Variants in FAM156A observed in about 807,000 individuals in gnomAD.
FAM156A encodes the protein family with sequence similarity 156 member A, also known as protein FAM156A/FAM156B.
At chrX:52,991,844 G>A (rs148785885) in intron 1 of FAM156A, among the ~76,000 whole-genome samples, 181 of 106,917 alleles carry the variant, frequency 1.7e-3, no homozygotes, top group African/African-American at 4.1e-3. Flanking sequence ...CCCTGTGCCC[G>A]GCACTGCTCT....
chrX:52,976,337 G>A (rs1206015744), intron 1 of FAM156A, among the ~76,000 whole-genome samples: 1 of 110,493 alleles, frequency 9.1e-6, no homozygotes, highest in Non-Finnish European at 1.9e-5. Context: ...CCAGCTACTC[G>A]GGAGGCTGAG....
intron 1 of FAM156A, among the ~76,000 whole-genome samples, chrX:52,980,567 G>A (rs1929794339): frequency 1.8e-5 from 2 of 111,667 alleles, no homozygotes; most frequent in Admixed American, 9.6e-5. Context: ...AGAGGGCAGG[G>A]AACACTTATG....
intron 1 of FAM156A, among the ~76,000 whole-genome samples, chrX:52,980,260 G>T (rs1556793124): frequency 9.0e-6 from 1 of 111,702 alleles, no homozygotes. Context: ...GTATCAATTT[G>T]CTTTGTAGTG....
chrX:52,983,519 C>T (rs1930050453), intron 1 of FAM156A, among the ~76,000 whole-genome samples: 1 of 112,298 alleles, frequency 8.9e-6, no homozygotes, highest in African/African-American at 3.2e-5. Flanking sequence ...GAAGAAAAGG[C>T]TGGAGAAATT....
intron 1 of FAM156A, among the ~76,000 whole-genome samples, chrX:52,975,835 G>A (rs1556792068): frequency 8.9e-6 from 1 of 112,027 alleles, no homozygotes; most frequent in Non-Finnish European, 1.9e-5. Context: ...GAGAGGAAAG[G>A]TCTAAGGAGA....
chrX:52,974,674 C>T (rs1264476857), intron 1 of FAM156A, among the ~76,000 whole-genome samples: 1 of 110,785 alleles, frequency 9.0e-6, no homozygotes, highest in Admixed American at 9.6e-5. Context: ...CTTCTTTTTA[C>T]AGGCAAGGGA....
In FAM156A at chrX:52,987,775, TTA is replaced by T. The variant is rs1164667174; in HGVS notation, c.-434+7529_-434+7530del. 3.6e-5 allele frequency among the ~76,000 whole-genome samples: 4 copies of T among 111,928 alleles called. No individual in the cohort carries two copies. The Admixed American group carries it at 3.8e-4, about 11-fold the overall frequency. Reference sequence around the variant, plus strand: ...ATATTTATCCTAGAAGAAGGAAAATTTATGTTTACACAAAAATCCATGCACAA... The same window carrying T: ...ATATTTATCCTAGAAGAAGGAAAATTTGTTTACACAAAAATCCATGCACAA... On this transcript the variant is annotated intron_variant, in intron 1 of 4. Transcript: ENST00000610625.
chrX:52,990,797 G>GAAAGAAAAGAAAGAAAAGAAAGA (rs1475069769), intron 1 of FAM156A, among the ~76,000 whole-genome samples: 26 of 69,590 alleles, frequency 3.7e-4, no homozygotes, highest in African/African-American at 1.3e-3. Flanking sequence ...GAAAAGAAAA[G>GAAAGAAAAGAAAGAAAAGAAAGA]AAAGAAAAGA....
intron 1 of FAM156A, among the ~76,000 whole-genome samples, chrX:52,975,371 C>T (rs1556791909): frequency 1.8e-5 from 2 of 111,846 alleles, no homozygotes; most frequent in Non-Finnish European, 3.8e-5. Flanking sequence ...CAGTCATTCC[C>T]GCACACACCT....
chrX:52,985,929 TAATAATAAAATAAACC>T (rs1357476233), intron 1 of FAM156A, among the ~76,000 whole-genome samples: 94 of 109,887 alleles, frequency 8.6e-4, no homozygotes, highest in African/African-American at 2.8e-3. Context: ...AAAATAATAA[TAATAATAAAATAAACC>T]AATAATAAAA....
intron 1 of FAM156A, among the ~76,000 whole-genome samples, chrX:52,985,436 T>C (rs782118264): frequency 1.8e-5 from 2 of 111,508 alleles, no homozygotes; most frequent in South Asian, 7.5e-4. Context: ...CATTACATTA[T>C]CATATTGGAA....
intron 1 of FAM156A, among the ~76,000 whole-genome samples, chrX:52,990,755 G>C (rs1930648558): frequency 9.9e-6 from 1 of 100,925 alleles, no homozygotes; most frequent in African/African-American, 3.7e-5. Flanking sequence ...CTGCACTCCA[G>C]AGTGGGCGAT....
At chrX:52,981,865 C>G (rs1472291946) in intron 1 of FAM156A, among the ~76,000 whole-genome samples, 3 of 109,591 alleles carry the variant, frequency 2.7e-5, no homozygotes, top group Admixed American at 2.0e-4. Context: ...TTTCATGAAC[C>G]ATTTGAAAAC....
At chrX:52,979,038 A>G in intron 1 of FAM156A, among the ~76,000 whole-genome samples, 1 of 111,833 alleles carries the variant, frequency 8.9e-6, no homozygotes, top group East Asian at 2.8e-4. Context: ...ACCTTATTAA[A>G]TCCCTTTGGT....
At chrX:52,988,488 A>G (rs782396738) in intron 1 of FAM156A, among the ~76,000 whole-genome samples, 1 of 111,119 alleles carries the variant, frequency 9.0e-6, no homozygotes, top group Non-Finnish European at 1.9e-5. Context: ...GGTGATGCAT[A>G]TGTTCTGGAT....
At chrX:52,991,951 A>G (rs1372020103) in intron 1 of FAM156A, among the ~76,000 whole-genome samples, 1 of 105,373 alleles carries the variant, frequency 9.5e-6, no homozygotes, top group Non-Finnish European at 2.0e-5. Flanking sequence ...AGGCAGAGAG[A>G]GCTGAAGCCA....
At chrX:52,991,857 G>A (rs1197024667) in intron 1 of FAM156A, among the ~76,000 whole-genome samples, 2 of 109,962 alleles carry the variant, frequency 1.8e-5, no homozygotes. Flanking sequence ...ACTGCTCTCG[G>A]TGACTGACCA....
intron 1 of FAM156A, among the ~76,000 whole-genome samples, chrX:52,973,852 C>T (rs781817884): frequency 6.3e-5 from 7 of 110,787 alleles, no homozygotes; most frequent in East Asian, 5.7e-4. Flanking sequence ...TTAGTAGAGA[C>T]GGGGTTTCAC....
chrX:52,988,253 AAAAAGAAAAG>A (rs781811932), intron 1 of FAM156A, among the ~76,000 whole-genome samples: 15 of 110,364 alleles, frequency 1.4e-4, no homozygotes, highest in African/African-American at 4.0e-4. Context: ...CTCAAAAAAA[AAAAAGAAAAG>A]AAAAGAAAAG....
Sources: gnomAD v4.1 joint callset for allele counts (sites outside exome capture counted in the v4.1 genomes callset) on GRCh38, gnomAD v4.1.1 for gene constraint, MANE v1.5 for transcripts, NCBI Gene and HGNC (gene_info 2026-07-23, HGNC 2026-07-21) for gene names.